OLFM1: variants seen among roughly 807,000 people sequenced by gnomAD.
OLFM1 encodes olfactomedin 1, also known as noelin.
OLFM1 carries 9 observed loss-of-function variants against 49.7 expected under a neutral mutation model. That is an observed-to-expected ratio of 0.18 (90% CI 0.11 to 0.32). The LOEUF (loss-of-function observed/expected upper bound fraction) is 0.32. Among genes scored for constraint, OLFM1 ranks in the 10% least tolerant of loss-of-function variants. The pLI, the probability that OLFM1 is intolerant of heterozygous loss-of-function variation, is 1.00. For missense variants in OLFM1, 369 were observed against 661.8 expected (o/e 0.56, Z 4.85); for synonymous variants, 240 against 271.8 (o/e 0.88, Z 1.15).
At position 135,098,609 on chromosome 9, in the gene OLFM1, C is replaced by T; in HGVS notation, c.676+104C>T. The T allele has an allele frequency of 9.6e-7, 1 of 1,044,510 alleles. No individual in the cohort carries two copies. The highest frequency in any genetic ancestry group is 1.4e-6 in the Non-Finnish European group (1 of 702,018). 64.7% of individuals were successfully genotyped at this position (1,044,510 alleles called of 1,614,324 possible). A position where few individuals can be genotyped will look rare whatever the true frequency, so the allele number is the denominator to read the frequency against. ...AGTGGACAGCGCCCGCCTGGCTTCG[C>T]GAGGTGATGGCTGGATTAGGGCTCC... On this transcript the variant is annotated intron_variant, in intron 4 of 5. Transcript: ENST00000371793. The surrounding 1 kb of genome is among the most constrained non-coding windows in gnomAD (Gnocchi z 5.6).
chr9:135,100,051 T>TG (rs1830849958), intron 4 of OLFM1, among the ~76,000 whole-genome samples: 1 of 152,208 alleles, frequency 6.6e-6, no homozygotes, highest in Non-Finnish European at 1.5e-5. Context: ...CTCCCACTTA[T>TG]GGGGTCTCCC....
At chr9:135,107,329 T>C (rs541227540) in intron 5 of OLFM1, among the ~76,000 whole-genome samples, 22 of 152,398 alleles carry the variant, frequency 1.4e-4, no homozygotes, top group African/African-American at 3.1e-4. Context: ...TGGAGACTCA[T>C]GTTCCTTTTG....
At position 135,117,769 on chromosome 9, in the gene OLFM1, C is replaced by T. The variant is rs368384802; in HGVS notation, c.784-1735C>T. Reference sequence around the variant, plus strand: ...AGCAAGCAGAGGGCAGGATTAGGGGCGAATGGCTGCACGTATACGCCTGTG... The same window carrying T: ...AGCAAGCAGAGGGCAGGATTAGGGGTGAATGGCTGCACGTATACGCCTGTG... On this transcript the variant is annotated intron_variant, in intron 5 of 5. Coordinates refer to ENST00000371793, the MANE Select transcript of OLFM1 (RefSeq NM_001282611.2). This position sits in a 1 kb window ranked among gnomAD's most constrained non-coding sequence, Gnocchi z 5.5. 1.1e-4 allele frequency among the ~76,000 whole-genome samples: 16 copies of T among 152,190 alleles called. No individual in the cohort carries two copies. The highest frequency in any genetic ancestry group is 2.4e-4 in the African/African-American group (10 of 41,446).
chr9:135,108,724 C>CG (rs1433447076), intron 5 of OLFM1, among the ~76,000 whole-genome samples: 2 of 152,140 alleles, frequency 1.3e-5, no homozygotes, highest in Non-Finnish European at 2.9e-5. Flanking sequence ...CCCTTAATAG[C>CG]GGGGGAAGGA....
At chr9:135,094,256 T>C (rs1490823508) in intron 2 of OLFM1, among the ~76,000 whole-genome samples, 3 of 152,226 alleles carry the variant, frequency 2.0e-5, no homozygotes. Context: ...ACTCCCCCCA[T>C]GAGCATCCTG....
At position 135,080,710 on chromosome 9, in the gene OLFM1, A is replaced by G. The variant is rs73560267; in HGVS notation, c.96+4908A>G. Among the ~76,000 whole-genome samples the G allele has an allele frequency of 0.011, 1,712 of 152,312 alleles. 36 individuals are homozygous for G. Among genetic ancestry groups the G allele is most frequent in the African/African-American group, 0.039 (1,624 of 41,550 alleles). On this transcript the variant is annotated intron_variant, in intron 1 of 5. Transcript: ENST00000252854. This position sits in a 1 kb window ranked among gnomAD's most constrained non-coding sequence, Gnocchi z 4.5. Reference sequence around the variant, plus strand: ...AGGCCCTGTAATCAGTATTAACATCACCGTGTAAAGTAATACAAAACTAAT... The same window carrying G: ...AGGCCCTGTAATCAGTATTAACATCGCCGTGTAAAGTAATACAAAACTAAT...
At chr9:135,100,345 C>T (rs1830853762) in intron 4 of OLFM1, among the ~76,000 whole-genome samples, 1 of 152,308 alleles carries the variant, frequency 6.6e-6, no homozygotes, top group East Asian at 1.9e-4. Flanking sequence ...GGTGAGTTTA[C>T]CTTGCAGCTT....
chr9:135,103,189 C>T (rs1588215093), intron 4 of OLFM1, among the ~76,000 whole-genome samples: 1 of 152,210 alleles, frequency 6.6e-6, no homozygotes, highest in Admixed American at 6.5e-5. Flanking sequence ...CCAGCCCTCT[C>T]CTGCCTCTCC....
intron 5 of OLFM1, among the ~76,000 whole-genome samples, chr9:135,110,314 G>A (rs1256501713): frequency 1.3e-5 from 2 of 152,062 alleles, no homozygotes; most frequent in East Asian, 3.9e-4. Flanking sequence ...TTTCTGACCC[G>A]CTTCCTATAA....
intron 5 of OLFM1, among the ~76,000 whole-genome samples, chr9:135,109,021 C>G (rs903384530): frequency 6.6e-6 from 1 of 152,116 alleles, no homozygotes; most frequent in African/African-American, 2.4e-5. Context: ...ACGCTGACCA[C>G]ATTGAGATCT....
intron 2 of OLFM1, among the ~76,000 whole-genome samples, chr9:135,091,659 A>ACACT (rs1381579090): frequency 6.8e-6 from 1 of 146,718 alleles, no homozygotes; most frequent in Non-Finnish European, 1.5e-5. Context: ...ATAGTCACAC[A>ACACT]CACACAGTCA....
At chr9:135,106,523 A>C in intron 4 of OLFM1, 2 of 548,026 alleles carry the variant, frequency 3.6e-6, no homozygotes, top group Non-Finnish European at 6.5e-6. Context: ...CTTCCCTGCT[A>C]TCCTGGCCAC....
intron 1 of OLFM1, among the ~76,000 whole-genome samples, chr9:135,089,866 C>A (rs543036250): frequency 6.6e-6 from 1 of 152,298 alleles, no homozygotes; most frequent in Admixed American, 6.5e-5. Flanking sequence ...CTGTGGCCTC[C>A]AGTTGCCCCT....
chr9:135,114,753 G>A (rs1388610597), intron 5 of OLFM1, among the ~76,000 whole-genome samples: 1 of 152,102 alleles, frequency 6.6e-6, no homozygotes, highest in African/African-American at 2.4e-5. Context: ...GTGTGTACAG[G>A]GGACTGGGTA....
upstream of OLFM1, among the ~76,000 whole-genome samples, chr9:135,085,283 C>T (rs77075871): frequency 2.3e-3 from 344 of 152,332 alleles, 13 homozygotes; most frequent in South Asian, 0.047. Context: ...CTCTGTGGCT[C>T]GTGGAACTGT....
At position 135,088,322 on chromosome 9, in the gene OLFM1, C is replaced by G. The variant is rs1042540084; in HGVS notation, c.150+183C>G. On this transcript the variant is annotated intron_variant, in intron 1 of 5. Coordinates refer to ENST00000371793, the MANE Select transcript of OLFM1 (RefSeq NM_001282611.2). The surrounding 1 kb of genome is among the most constrained non-coding windows in gnomAD (Gnocchi z 4.8). ...GGCGCAGCGGTGGCGACCCTGCTCC[C>G]CGCTCCCCCAGCCTGGGCCACTCCA... 6.6e-6 allele frequency among the ~76,000 whole-genome samples: 1 copy of G among 151,848 alleles called. No homozygotes were observed. Among genetic ancestry groups the G allele is most frequent in the Middle Eastern group, 3.2e-3 (1 of 314 alleles).
At chr9:135,091,875 TCACA>T (rs199822860) in intron 2 of OLFM1, among the ~76,000 whole-genome samples, 22 of 85,804 alleles carry the variant, frequency 2.6e-4, no homozygotes, top group Admixed American at 2.5e-3. Flanking sequence ...TCACACACAG[TCACA>T]CACACACTCA....
At chr9:135,082,407 G>C (rs1830544730) in intron 1 of OLFM1, among the ~76,000 whole-genome samples, 1 of 151,758 alleles carries the variant, frequency 6.6e-6, no homozygotes, top group African/African-American at 2.4e-5. Context: ...CTCCTGAGTG[G>C]TGCTGAAAAG....
In OLFM1 at chr9:135,094,586, G is replaced by A. The variant is rs59741145; in HGVS notation, c.301-1278G>A. Among the ~76,000 whole-genome samples the A allele has an allele frequency of 9.6e-3, 1,465 of 152,256 alleles. 26 individuals are homozygous for A. Among genetic ancestry groups the A allele is most frequent in the African/African-American group, 0.033 (1,388 of 41,540 alleles). On this transcript the variant is annotated intron_variant, in intron 2 of 5. Transcript: ENST00000371793. ...GAGAGGGAGCTGAAGCCACCCCGTC[G>A]TGTACTTTACAAACTTAAAATTTCA...
Sources: gnomAD v4.1 joint callset for allele counts (sites outside exome capture counted in the v4.1 genomes callset) on GRCh38, gnomAD v4.1.1 for gene constraint, Gnocchi (gnomAD v3.1) non-coding constraint, MANE v1.5 for transcripts, NCBI Gene and HGNC (gene_info 2026-07-23, HGNC 2026-07-21) for gene names.